Variants in ZSCAN30 observed in about 807,000 individuals in gnomAD.
ZSCAN30 encodes the protein zinc finger and SCAN domain containing 30.
In ZSCAN30, 37 loss-of-function variants were observed where a neutral mutation model predicts 44.3. The ratio of observed to expected loss-of-function variants is 0.84; its 90% CI spans 0.64 to 1.10. The LOEUF (loss-of-function observed/expected upper bound fraction) is 1.10. Ranked by LOEUF, ZSCAN30 falls within the 50% of genes least tolerant of loss-of-function variation. The pLI, the probability that ZSCAN30 is intolerant of heterozygous loss-of-function variation, is 0.00. For synonymous variants in ZSCAN30, 181 were observed against 204.6 expected (o/e 0.88, Z 0.98); for missense variants, 549 against 582.6 (o/e 0.94, Z 0.59).
rs940304622 is a variant in ZSCAN30 at position 35,252,378 on chromosome 18, G to A, written c.*1072C>T. 4 of 152,194 alleles carry A rather than the reference G, an allele frequency of 2.6e-5. No individual in the cohort carries two copies. Among genetic ancestry groups the A allele is most frequent in the South Asian group, 2.1e-4 (1 of 4,830 alleles). 9.4% of individuals were successfully genotyped at this position (152,194 alleles called of 1,614,324 possible). On this transcript the variant is annotated 3_prime_UTR_variant, in exon 4 of 4. Coordinates refer to ENST00000333206, the MANE Select transcript of ZSCAN30 (RefSeq NM_001112734.4). ...GGCAGTGGGAAGTATAAAGGAACAC[G>A]GTGATCTGCCTTCCCAGGCTCTGCT...
chr18:35,272,004 T>C (rs897550735), intron 1 of ZSCAN30, among the ~76,000 whole-genome samples: 14 of 152,070 alleles, frequency 9.2e-5, no homozygotes, highest in African/African-American at 3.4e-4. Flanking sequence ...CGCCCACGCC[T>C]CTCTCTCCAC....
In ZSCAN30 at chr18:35,264,112, C is replaced by A. The variant is rs1325915431; in HGVS notation, c.241G>T (p.Val81Leu). Reference protein sequence around the residue: ...ELCCQWLRPEVHSKEQILELL... With the variant: ...ELCCQWLRPELHSKEQILELL... ...TCCAGGATCTGCTCCTTGGAGTGCA[C>A]CTCCGGCCTCAACCACTGACAGCAA... Residue 81 changes from valine to leucine, a missense_variant, in exon 2 of 4, where the codon GTG becomes TTG. Val to Leu is a conservative substitution (Grantham distance 32, BLOSUM62 1). Transcript: ENST00000333206. The A allele has an allele frequency of 6.2e-7, 1 of 1,614,162 alleles. No homozygotes were observed. Among genetic ancestry groups the A allele is most frequent in the Non-Finnish European group, 8.5e-7 (1 of 1,179,972 alleles).
intron 1 of ZSCAN30, chr18:35,281,861 TCTC>T (rs2044461565): frequency 6.7e-6 from 1 of 149,270 alleles, no homozygotes; most frequent in Admixed American, 6.7e-5. Flanking sequence ...GTAAGTCTCA[TCTC>T]CTTGCATCTG....
At position 35,253,938 on chromosome 18, in the gene ZSCAN30, C is replaced by G. The variant is rs746342504; in HGVS notation, c.997G>C (p.Glu333Gln). Residue 333 changes from glutamate (E) to glutamine (Q), a missense_variant, in exon 4 of 4, where the codon GAA (glutamate) becomes CAA (glutamine). Transcript: ENST00000333206. ...CTCAAACTGAAGGCTTTGCCACATT[C>G]TTTACATGCATAAGGTCTCTCTCCA... ...HTGERPYACK[E>Q]CGKAFSLSSD... 11 of 1,614,208 alleles carry G rather than the reference C, an allele frequency of 6.8e-6. No homozygotes were observed. Among genetic ancestry groups the G allele is most frequent in the Admixed American group, 5.0e-5 (3 of 60,032 alleles).
intron 3 of ZSCAN30, chr18:35,256,332 C>G (rs991414003): frequency 6.6e-6 from 1 of 152,174 alleles, no homozygotes; most frequent in Non-Finnish European, 1.5e-5. Flanking sequence ...CTGAGGCAGG[C>G]AGATCGCTTG....
At chr18:35,270,046 T>TAC (rs1030479115) in intron 1 of ZSCAN30, 5 of 152,168 alleles carry the variant, frequency 3.3e-5, no homozygotes, top group Non-Finnish European at 5.9e-5. Flanking sequence ...GAGTGATATA[T>TAC]ACCTAAGAAA....
chr18:35,254,422 C>A, intron 3 of ZSCAN30, 41 bp from the exon 4 acceptor site: 1 of 1,613,364 alleles, frequency 6.2e-7, no homozygotes, highest in South Asian at 1.1e-5. Flanking sequence ...ATTTACTTCC[C>A]ATGACAGAAG....
rs1334922212 is a variant in ZSCAN30, at chr18:35,251,097, A to G, written c.*2353T>C. ...CAAGTTTTATTGCAATACATCTTGC[A>G]TTACATTCTAATAATAAACGGTTGA... On this transcript the variant is annotated 3_prime_UTR_variant, in exon 4 of 4. Transcript: ENST00000333206. The G allele has an allele frequency of 1.3e-5, 2 of 152,220 alleles. No homozygotes were observed. Among genetic ancestry groups the G allele is most frequent in the Non-Finnish European group, 2.9e-5 (2 of 68,044 alleles). The allele number at this position is 152,220 out of a possible 1,614,324, so 9.4% of individuals were successfully genotyped here.
intron 1 of ZSCAN30, among the ~76,000 whole-genome samples, chr18:35,272,993 A>G (rs1474775461): frequency 6.6e-6 from 1 of 152,204 alleles, no homozygotes; most frequent in Non-Finnish European, 1.5e-5. Context: ...TGATTTAATT[A>G]TCTCCCATTC....
At chr18:35,270,678 T>C (rs1244752840) in intron 1 of ZSCAN30, among the ~76,000 whole-genome samples, 3 of 152,154 alleles carry the variant, frequency 2.0e-5, no homozygotes, top group African/African-American at 7.2e-5. Context: ...CCTCCGCGGC[T>C]CAAGCAATTC....
intron 1 of ZSCAN30, among the ~76,000 whole-genome samples, chr18:35,267,297 G>C (rs1386933302): frequency 6.6e-6 from 1 of 152,102 alleles, no homozygotes; most frequent in East Asian, 1.9e-4. Flanking sequence ...CGGGGTGGCT[G>C]AGTGGGCAAG....
intron 1 of ZSCAN30, among the ~76,000 whole-genome samples, chr18:35,266,394 A>T (rs2044150011): frequency 6.6e-6 from 1 of 152,068 alleles, no homozygotes; most frequent in South Asian, 2.1e-4. Flanking sequence ...AGACTGAGCT[A>T]TGGGAGGCAA....
chr18:35,256,710 T>C (rs2043834624), intron 3 of ZSCAN30, among the ~76,000 whole-genome samples: 1 of 152,076 alleles, frequency 6.6e-6, no homozygotes, highest in Admixed American at 6.6e-5. Flanking sequence ...AAGAGGCTCT[T>C]TGGAGGAGAA....
At chr18:35,257,913 C>G in intron 3 of ZSCAN30, 2 of 781,078 alleles carry the variant, frequency 2.6e-6, no homozygotes, top group Admixed American at 1.7e-5. Flanking sequence ...TCCTGCTTCT[C>G]TCTCTCCATT....
At chr18:35,259,810 T>C (rs1447377124) in intron 3 of ZSCAN30, 1 of 153,128 alleles carries the variant, frequency 6.5e-6, no homozygotes, top group African/African-American at 2.4e-5. Context: ...ACCTAAATGA[T>C]TTCGTCATTT....
chr18:35,270,360 G>C (rs1334800320), intron 1 of ZSCAN30: 1 of 152,208 alleles, frequency 6.6e-6, no homozygotes, highest in Non-Finnish European at 1.5e-5. Context: ...TTTCTTTGCT[G>C]TGGGGTTTCA....
At chr18:35,261,776 C>T (rs550279197) in intron 3 of ZSCAN30, 1 of 152,274 alleles carries the variant, frequency 6.6e-6, no homozygotes, top group South Asian at 2.1e-4. Context: ...TGCTTCTTGG[C>T]TTAAGAAGCT....
intron 3 of ZSCAN30, chr18:35,258,040 A>C: frequency 1.3e-6 from 1 of 779,154 alleles, no homozygotes; most frequent in South Asian, 1.3e-5. Flanking sequence ...CAAGAAACTT[A>C]TAACTCAAGG....
At chr18:35,260,090 T>G (rs779271288) in intron 3 of ZSCAN30, 1 of 152,256 alleles carries the variant, frequency 6.6e-6, no homozygotes, top group Non-Finnish European at 1.5e-5. Flanking sequence ...CAGCTCCCAC[T>G]TATAAGTGAG....
Sources: allele counts gnomAD v4.1 joint callset (sites outside exome capture counted in the v4.1 genomes callset), GRCh38; gene constraint gnomAD v4.1.1; transcripts MANE v1.5; gene names NCBI Gene and HGNC (gene_info 2026-07-23, HGNC 2026-07-21).